Variants in ARFGEF2 observed in about 807,000 individuals in gnomAD.
ARFGEF2 encodes ARF guanine nucleotide exchange factor 2.
In ARFGEF2, 74 loss-of-function variants were observed where a neutral mutation model predicts 219.9. That is an observed-to-expected ratio of 0.34 (90% CI 0.28 to 0.41). The LOEUF (loss-of-function observed/expected upper bound fraction) is 0.41, where lower values mean the gene tolerates loss of function less well. ARFGEF2 is among the 10% of genes least tolerant of loss of function. The probability of loss-of-function intolerance (pLI) is 1.00; values close to 1 mark genes in which losing one functional copy is unlikely to be tolerated. For synonymous variants in ARFGEF2, 733 were observed against 799.2 expected, an observed-to-expected ratio of 0.92 and a Z score of 1.40; for missense variants, 1,743 against 2,218.3, an observed-to-expected ratio of 0.79 and a Z score of 4.30.
intron 28 of ARFGEF2, among the ~76,000 whole-genome samples, chr20:49,012,831 C>T (rs1230508165): frequency 5.3e-5 from 8 of 152,034 alleles, no homozygotes; most frequent in African/African-American, 1.7e-4. Flanking sequence ...TAATTATATC[C>T]CATTGTACAG....
At chr20:48,953,398 A>G (rs1356853173) in intron 5 of ARFGEF2, among the ~76,000 whole-genome samples, 158 bp from the exon 6 acceptor site, 1 of 151,632 alleles carries the variant, frequency 6.6e-6, no homozygotes, top group Non-Finnish European at 1.5e-5. Flanking sequence ...TTGGTCTCGA[A>G]CTCCTGGGTT....
At chr20:48,922,569 C>T (rs191411629) in intron 1 of ARFGEF2, among the ~76,000 whole-genome samples, 3 of 152,372 alleles carry the variant, frequency 2.0e-5, no homozygotes, top group Admixed American at 2.0e-4. Flanking sequence ...TCTGCTTATT[C>T]CTAGCAGTCC....
At chr20:48,935,192 A>T (rs2090940033) in intron 1 of ARFGEF2, among the ~76,000 whole-genome samples, 1 of 152,142 alleles carries the variant, frequency 6.6e-6, no homozygotes, top group Admixed American at 6.5e-5. Context: ...GTCAGCAGAT[A>T]AACAAGTGAA....
chr20:48,959,629 A>T (rs1220843755), intron 6 of ARFGEF2, among the ~76,000 whole-genome samples: 12 of 104,090 alleles, frequency 1.2e-4, no homozygotes, highest in African/African-American at 4.3e-4. Flanking sequence ...TTCCATTTTG[A>T]GACAGGTTCT....
chr20:48,935,717 G>A (rs1459387546), intron 1 of ARFGEF2, among the ~76,000 whole-genome samples: 4 of 146,034 alleles, frequency 2.7e-5, no homozygotes, highest in Admixed American at 6.8e-5. Flanking sequence ...CTAGCCGGGC[G>A]GGGGGCTGAC....
chr20:48,973,950 G>T (rs1792601525), intron 12 of ARFGEF2, among the ~76,000 whole-genome samples: 1 of 151,838 alleles, frequency 6.6e-6, no homozygotes, highest in South Asian at 2.1e-4. Context: ...GTTTATTTTT[G>T]AAAATCAGTA....
At chr20:48,981,653 C>T (rs2091296659) in intron 14 of ARFGEF2, among the ~76,000 whole-genome samples, 2 of 152,152 alleles carry the variant, frequency 1.3e-5, no homozygotes, top group Non-Finnish European at 1.5e-5. Flanking sequence ...CACATAGTCC[C>T]ATATTTCTTG....
rs575311440 is a variant in ARFGEF2 at position 49,034,432 on chromosome 20, T to C, written c.*1233T>C. 6.6e-6 allele frequency: 1 copy of C among 152,376 alleles called. No homozygotes were observed. The highest frequency in any genetic ancestry group is 6.5e-5 in the Admixed American group (1 of 15,310). The allele number at this position is 152,376 out of a possible 1,614,324, so 9.4% of individuals were successfully genotyped here. A position where few individuals can be genotyped will look rare whatever the true frequency, so the allele number is the denominator to read the frequency against. ...CACCTGCAGTAGAACTGAGTTCTGC[T>C]GCAGCTTGTGTAAAAGTGGGCAGTA... On this transcript the variant is annotated 3_prime_UTR_variant, in exon 39 of 39. Transcript: ENST00000371917.
At chr20:48,927,124 G>GT (rs2090882539) in intron 1 of ARFGEF2, among the ~76,000 whole-genome samples, 1 of 142,186 alleles carries the variant, frequency 7.0e-6, no homozygotes, top group African/African-American at 3.1e-5. Context: ...CCTGGGAGTT[G>GT]TTTGTTTATT....
In ARFGEF2 at chr20:48,972,319, CAT is replaced by C; in HGVS notation, c.1426-3_1426-2del. 6.3e-7 allele frequency: 1 copy of C among 1,597,564 alleles called. No individual in the cohort carries two copies. The highest frequency in any genetic ancestry group is 1.3e-5 in the African/African-American group (1 of 74,690). On this transcript the variant is annotated splice_polypyrimidine_tract_variant and splice_region_variant and intron_variant, in intron 10 of 38. Transcript: ENST00000371917. ...TTAGTGTCCTCCTTTGTCTTTATGT[CAT>C]ATAGGTCTTTTTCAAAGAGATTTTC...
rs1304100376 is a variant in ARFGEF2, at chr20:49,034,564, C to T, written c.*1365C>T. 3 of 152,198 alleles carry T rather than the reference C, an allele frequency of 2.0e-5. No homozygotes were observed. The highest frequency in any genetic ancestry group is 4.4e-5 in the Non-Finnish European group (3 of 68,044). The allele number at this position is 152,198 out of a possible 1,614,324, so 9.4% of individuals were successfully genotyped here. A position where few individuals can be genotyped will look rare whatever the true frequency, so the allele number is the denominator to read the frequency against. ...CTCACCCACTGCTCACCTAGAGCAT[C>T]GCTGAGCGTTAGACAAAGTGTTACA... On this transcript the variant is annotated 3_prime_UTR_variant, in exon 39 of 39. Coordinates refer to ENST00000371917, the MANE Select transcript of ARFGEF2 (RefSeq NM_006420.3).
chr20:49,025,857 C>T (rs1418982966), intron 36 of ARFGEF2, among the ~76,000 whole-genome samples: 1 of 151,850 alleles, frequency 6.6e-6, no homozygotes, highest in Non-Finnish European at 1.5e-5. Context: ...TGGTGCAAAC[C>T]CATAATCCCA....
At chr20:48,956,401 T>C (rs2091105848) in intron 6 of ARFGEF2, among the ~76,000 whole-genome samples, 1 of 152,120 alleles carries the variant, frequency 6.6e-6, no homozygotes, top group Non-Finnish European at 1.5e-5. Context: ...GGCTCACGCC[T>C]CCAATCCCAG....
intron 3 of ARFGEF2, among the ~76,000 whole-genome samples, chr20:48,943,428 G>A (rs1484150403): frequency 2.0e-5 from 3 of 152,212 alleles, no homozygotes; most frequent in Non-Finnish European, 1.5e-5. Flanking sequence ...GAGTAGAGAA[G>A]TTAAGGTGAC....
chr20:48,983,458 A>G (rs751252108), intron 14 of ARFGEF2, among the ~76,000 whole-genome samples: 2 of 152,170 alleles, frequency 1.3e-5, no homozygotes, highest in Non-Finnish European at 2.9e-5. Flanking sequence ...ACCTCCCTCT[A>G]GTGTATTCTG....
intron 26 of ARFGEF2, among the ~76,000 whole-genome samples, chr20:49,005,961 A>G (rs189396671): frequency 1.3e-5 from 2 of 152,102 alleles, no homozygotes; most frequent in Non-Finnish European, 2.9e-5. Flanking sequence ...GGACTTATTG[A>G]GACTTGCCAT....
At chr20:49,000,159 C>T (rs1241323438) in intron 25 of ARFGEF2, among the ~76,000 whole-genome samples, 1 of 152,234 alleles carries the variant, frequency 6.6e-6, no homozygotes, top group Non-Finnish European at 1.5e-5. Flanking sequence ...CTCCACCACT[C>T]CCCTGAAATG....
intron 10 of ARFGEF2, 144 bp from the exon 11 acceptor site, chr20:48,972,182 C>T: frequency 1.5e-6 from 1 of 685,098 alleles, no homozygotes; most frequent in East Asian, 2.8e-5. Context: ...CCCGTTGCTG[C>T]CCAGCCAGGT....
chr20:48,963,830 G>A lies in ARFGEF2; in HGVS notation c.839G>A (p.Gly280Glu). 1 of 1,613,854 alleles carries A rather than the reference G, an allele frequency of 6.2e-7. No homozygotes were observed. Among genetic ancestry groups the A allele is most frequent in the South Asian group, 1.1e-5 (1 of 91,066 alleles). ...TTTGTATATTTGGATGTGTGTGTAG[G>A]GACTGATGACGGAGCCCAGGAGGTG... is the stretch of plus-strand genomic sequence containing the variant. ...APRERGSSLSGTDDGAQEVVK... is the reference protein window; with the variant it reads ...APRERGSSLSETDDGAQEVVK... Residue 280 changes from glycine to glutamate, a missense_variant and splice_region_variant, in exon 7 of 39, where the codon GGG becomes GAG. By Grantham distance (98) the Gly-to-Glu change is moderately conservative. Coordinates refer to ENST00000371917, the MANE Select transcript of ARFGEF2 (RefSeq NM_006420.3).
Sources: allele counts gnomAD v4.1 joint callset (sites outside exome capture counted in the v4.1 genomes callset), GRCh38; gene constraint gnomAD v4.1.1; transcripts MANE v1.5; gene names NCBI Gene and HGNC (gene_info 2026-07-23, HGNC 2026-07-21).